CDH6: variants seen among roughly 807,000 people sequenced by gnomAD.
The protein encoded by CDH6 is cadherin 6.
In CDH6, 31 loss-of-function variants were observed where a neutral mutation model predicts 78.0. The ratio of observed to expected loss-of-function variants is 0.40; its 90% CI spans 0.30 to 0.54. CDH6 has a LOEUF of 0.54. CDH6 is among the 20% of genes least tolerant of loss of function. CDH6 has a pLI of 0.56. For synonymous variants in CDH6, 376 were observed against 368.8 expected, an observed-to-expected ratio of 1.02 and a Z score of -0.23; for missense variants, 724 against 975.9, an observed-to-expected ratio of 0.74 and a Z score of 3.44.
rs186323978 is a variant in CDH6 at position 31,274,308 on chromosome 5, C to G, written c.228+6607C>G. Among the ~76,000 whole-genome samples, 4 of 152,278 alleles carry G rather than the reference C, an allele frequency of 2.6e-5. No individual in the cohort carries two copies. The East Asian group carries it at 5.8e-4, about 22-fold the overall frequency. ...CTTCTATAGCAGCAATTTTCTGGCTCTTAAACTTCCCTCTGTGCACAGTAG... is the reference window on the plus strand; with the variant it reads ...CTTCTATAGCAGCAATTTTCTGGCTGTTAAACTTCCCTCTGTGCACAGTAG... On this transcript the variant is annotated intron_variant, in intron 2 of 11. Transcript: ENST00000265071.
At chr5:31,312,145 A>G (rs1470513885) in intron 7 of CDH6, among the ~76,000 whole-genome samples, 4 of 152,094 alleles carry the variant, frequency 2.6e-5, no homozygotes, top group African/African-American at 9.7e-5. Context: ...CCTCCACTGG[A>G]CATTGTTTTC....
intron 1 of CDH6, among the ~76,000 whole-genome samples, chr5:31,202,163 A>G (rs987821668): frequency 6.6e-6 from 1 of 152,138 alleles, no homozygotes; most frequent in Non-Finnish European, 1.5e-5. Context: ...ATTTACTAAC[A>G]TGTTGGTCTG....
chr5:31,258,846 C>T (rs1011911683), intron 1 of CDH6, among the ~76,000 whole-genome samples: 7 of 152,284 alleles, frequency 4.6e-5, no homozygotes, highest in African/African-American at 1.7e-4. Flanking sequence ...AAGGCCACAA[C>T]TAGATTGAGC....
chr5:31,304,865 C>T (rs928441949), intron 6 of CDH6, among the ~76,000 whole-genome samples: 8 of 152,038 alleles, frequency 5.3e-5, no homozygotes, highest in Non-Finnish European at 1.0e-4. Context: ...GGTATGATGC[C>T]TTGTACCTCA....
At chr5:31,264,366 A>C (rs1487001051) in intron 1 of CDH6, among the ~76,000 whole-genome samples, 2 of 152,186 alleles carry the variant, frequency 1.3e-5, no homozygotes, top group African/African-American at 4.8e-5. Context: ...CACTGTTCTA[A>C]ATGGTTTGCA....
intron 2 of CDH6, among the ~76,000 whole-genome samples, chr5:31,273,027 C>T (rs10461695): frequency 0.31 from 47,419 of 151,742 alleles, 7,735 homozygotes; most frequent in Admixed American, 0.37. Flanking sequence ...AATGAAGCCA[C>T]TCTTCTCAAG....
intron 5 of CDH6, 57 bp downstream of exon 5, chr5:31,299,688 T>C: frequency 7.0e-7 from 1 of 1,432,144 alleles, no homozygotes; most frequent in Non-Finnish European, 9.8e-7. Flanking sequence ...ACTCGAACTT[T>C]AAGAATTTTT....
At chr5:31,263,747 T>C (rs1183171952) in intron 1 of CDH6, among the ~76,000 whole-genome samples, 1 of 152,176 alleles carries the variant, frequency 6.6e-6, no homozygotes. Flanking sequence ...GGGATTAAAT[T>C]TCAACATGAG....
chr5:31,196,757 A>C (rs13165851), intron 1 of CDH6, among the ~76,000 whole-genome samples: 2,178 of 152,216 alleles, frequency 0.014, 30 homozygotes, highest in South Asian at 0.037. Context: ...TGGTTTTCTG[A>C]ATATCTAGAC....
chr5:31,244,460 C>T (rs1741689324), intron 1 of CDH6, among the ~76,000 whole-genome samples: 1 of 152,128 alleles, frequency 6.6e-6, no homozygotes, highest in Non-Finnish European at 1.5e-5. Context: ...AAGGGGGACT[C>T]AATTGTATGA....
At chr5:31,271,925 G>T (rs1444390596) in intron 2 of CDH6, among the ~76,000 whole-genome samples, 1 of 152,240 alleles carries the variant, frequency 6.6e-6, no homozygotes, top group East Asian at 1.9e-4. Flanking sequence ...GATTTAGTTG[G>T]TTTTTAATTA....
At chr5:31,302,933 A>C (rs1737851775) in intron 6 of CDH6, among the ~76,000 whole-genome samples, 1 of 129,678 alleles carries the variant, frequency 7.7e-6, no homozygotes. Flanking sequence ...GAAAGAAAGA[A>C]AGAAAGAAAG....
chr5:31,206,052 G>A (rs1740509118), intron 1 of CDH6, among the ~76,000 whole-genome samples: 1 of 152,158 alleles, frequency 6.6e-6, no homozygotes. Flanking sequence ...TGGCACCCTT[G>A]AGAACCCACA....
At position 31,305,385 on chromosome 5, in the gene CDH6, C is replaced by A. The variant is rs745514659; in HGVS notation, c.1211C>A (p.Ser404Tyr). 1 of 1,614,074 alleles carries A rather than the reference C, an allele frequency of 6.2e-7. No individual in the cohort carries two copies. Among genetic ancestry groups the A allele is most frequent in the Non-Finnish European group, 8.5e-7 (1 of 1,179,958 alleles). Residue 404 changes from serine (S) to tyrosine (Y), a missense_variant, in exon 7 of 12, where the codon TCC becomes TAC. Physicochemically the swap from Ser to Tyr is moderately radical, Grantham distance 144. This residue lies in a region of CDH6 where 446 missense variants were observed against 684.5 expected (regional missense o/e 0.65). Transcript: ENST00000265071. ...EDAQINTTIGSVTAQDPDAAR... is the reference protein window; with the variant it reads ...EDAQINTTIGYVTAQDPDAAR... ...GCTCAGATAAACACCACAATAGGCT[C>A]CGTCACAGCCCAAGATCCAGATGCT...
intron 1 of CDH6, among the ~76,000 whole-genome samples, chr5:31,218,898 A>G (rs1385354994): frequency 6.6e-6 from 1 of 151,996 alleles, no homozygotes; most frequent in Non-Finnish European, 1.5e-5. Flanking sequence ...TTCCTAGCAC[A>G]CTCTGCTTCA....
chr5:31,301,157 C>CA (rs1246125390), intron 5 of CDH6, among the ~76,000 whole-genome samples: 1 of 152,044 alleles, frequency 6.6e-6, no homozygotes, highest in South Asian at 2.1e-4. Context: ...GTACTTGAGT[C>CA]AAAAAAAGTT....
intron 1 of CDH6, among the ~76,000 whole-genome samples, chr5:31,205,651 C>A (rs1740496522): frequency 1.3e-5 from 2 of 152,026 alleles, no homozygotes; most frequent in African/African-American, 4.8e-5. Flanking sequence ...GATTTTTTTT[C>A]TCTTACAGTT....
chr5:31,230,269 T>C (rs1307440996), intron 1 of CDH6, among the ~76,000 whole-genome samples: 1 of 152,156 alleles, frequency 6.6e-6, no homozygotes, highest in Non-Finnish European at 1.5e-5. Context: ...AGAAAAGTCA[T>C]CTCTGTCCTG....
At chr5:31,293,582 G>A (rs936955194) in intron 2 of CDH6, among the ~76,000 whole-genome samples, 4 of 152,138 alleles carry the variant, frequency 2.6e-5, no homozygotes, top group Non-Finnish European at 2.9e-5. Context: ...AAGTGAGGGC[G>A]AGAGTGTATT....
Sources: gnomAD v4.1 joint callset for allele counts (sites outside exome capture counted in the v4.1 genomes callset) on GRCh38, gnomAD v4.1.1 for gene constraint, gnomAD v4.1.1 regional missense constraint, MANE v1.5 for transcripts, NCBI Gene and HGNC (gene_info 2026-07-23, HGNC 2026-07-21) for gene names.